Variants in PSPC1 observed in about 807,000 individuals in gnomAD.
PSPC1 encodes the protein paraspeckle protein 1.
In PSPC1, 14 loss-of-function variants were observed where a neutral mutation model predicts 51.6. The ratio of observed to expected loss-of-function variants is 0.27; its 90% confidence interval spans 0.18 to 0.42. PSPC1 has a LOEUF of 0.42. PSPC1 is among the 10% of genes least tolerant of loss of function. PSPC1 has a pLI of 1.00. For synonymous variants in PSPC1, 193 were observed against 231.9 expected, an observed-to-expected ratio of 0.83 and a Z score of 1.53; for missense variants, 406 against 701.1, an observed-to-expected ratio of 0.58 and a Z score of 4.75.
chr13:19,775,617 T>C (rs1889035973), intron 1 of PSPC1, among the ~76,000 whole-genome samples: 1 of 152,260 alleles, frequency 6.6e-6, no homozygotes, highest in Admixed American at 6.5e-5. Flanking sequence ...ACAGTCGTTT[T>C]GTTTATTGCT....
At chr13:19,750,606 G>A (rs1311263144) in intron 4 of PSPC1, among the ~76,000 whole-genome samples, 1 of 151,770 alleles carries the variant, frequency 6.6e-6, no homozygotes, top group Non-Finnish European at 1.5e-5. Flanking sequence ...GCCAGCATTT[G>A]TCCAAATTCT....
intron 6 of PSPC1, among the ~76,000 whole-genome samples, chr13:19,682,242 T>C (rs900486363): frequency 6.6e-6 from 1 of 152,196 alleles, no homozygotes; most frequent in Non-Finnish European, 1.5e-5. Context: ...AGCTGATATT[T>C]TGTAAGAAGC....
intron 7 of PSPC1, among the ~76,000 whole-genome samples, chr13:19,707,361 T>C (rs549301182): frequency 6.6e-6 from 1 of 152,194 alleles, no homozygotes; most frequent in African/African-American, 2.4e-5. Flanking sequence ...ATATAAAAAA[T>C]GTTAGCATTA....
At chr13:19,778,376 TC>T (rs1889432833) in intron 1 of PSPC1, among the ~76,000 whole-genome samples, 1 of 27,974 alleles carries the variant, frequency 3.6e-5, no homozygotes, top group Admixed American at 3.5e-4. Context: ...CCCCTCCCCC[TC>T]CCCCTCCCCC....
intron 2 of PSPC1, among the ~76,000 whole-genome samples, chr13:19,765,690 C>A (rs1888008135): frequency 6.7e-6 from 1 of 148,664 alleles, no homozygotes; most frequent in African/African-American, 2.5e-5. Flanking sequence ...AAGGAAGTAT[C>A]AGTCTTTACA....
chr13:19,755,772 G>A (rs1258381067), intron 3 of PSPC1, among the ~76,000 whole-genome samples: 2 of 152,024 alleles, frequency 1.3e-5, no homozygotes, highest in African/African-American at 4.8e-5. Context: ...TCTACACACT[G>A]AAGAACTCCA....
At chr13:19,779,341 C>T (rs1368052475) in intron 1 of PSPC1, among the ~76,000 whole-genome samples, 2 of 112,122 alleles carry the variant, frequency 1.8e-5, no homozygotes, top group African/African-American at 3.3e-5. Context: ...GGGGGTCAGC[C>T]CCCCCGCCCG....
chr13:19,778,426 T>G (rs1197166839), intron 1 of PSPC1, among the ~76,000 whole-genome samples: 1 of 104,464 alleles, frequency 9.6e-6, no homozygotes, highest in Non-Finnish European at 1.8e-5. Context: ...CTCCCTCTCA[T>G]GCGGAGCCGA....
chr13:19,713,974 A>G (rs1881775330), intron 6 of PSPC1, among the ~76,000 whole-genome samples: 1 of 152,238 alleles, frequency 6.6e-6, no homozygotes, highest in Admixed American at 6.5e-5. Flanking sequence ...CCAGCACTAT[A>G]GCACAAGCCA....
At chr13:19,711,192 AC>A (rs1881361661) in intron 6 of PSPC1, among the ~76,000 whole-genome samples, 1 of 152,158 alleles carries the variant, frequency 6.6e-6, no homozygotes, top group South Asian at 2.1e-4. Context: ...AAAATTTGTG[AC>A]CATTAATGGA....
chr13:19,682,661 T>C (rs950206942), intron 6 of PSPC1, among the ~76,000 whole-genome samples: 4 of 152,146 alleles, frequency 2.6e-5, no homozygotes, highest in Non-Finnish European at 4.4e-5. Context: ...GTATGGAGTG[T>C]TGTCAAGGAT....
intron 6 of PSPC1, among the ~76,000 whole-genome samples, chr13:19,683,841 A>G (rs1877557137): frequency 6.6e-6 from 1 of 152,188 alleles, no homozygotes; most frequent in Non-Finnish European, 1.5e-5. Context: ...TATATATGCC[A>G]TCTTTTCCTC....
rs944204772 is a variant in PSPC1 at position 19,764,464 on chromosome 13, T to C, written c.675-5046A>G. ...CGTATTTGTGACTGATCTTTCCTCA[T>C]TGTGGCTGATCTTTTCTTAGAACTG... On this transcript the variant is annotated intron_variant, in intron 2 of 8. Coordinates refer to ENST00000338910, the MANE Select transcript of PSPC1 (RefSeq NM_001354909.2). Among the ~76,000 whole-genome samples, 11 of 152,160 alleles carry C rather than the reference T, an allele frequency of 7.2e-5. No individual in the cohort carries two copies. In the East Asian group the frequency reaches 1.9e-3, roughly 27 times the overall value.
intron 6 of PSPC1, among the ~76,000 whole-genome samples, chr13:19,688,457 A>G (rs192358236): frequency 2.6e-5 from 4 of 152,314 alleles, no homozygotes; most frequent in East Asian, 1.9e-4. Context: ...CAATTCATGC[A>G]TATGTAAGTA....
At chr13:19,778,130 T>C (rs891168471) in intron 1 of PSPC1, among the ~76,000 whole-genome samples, 1 of 151,542 alleles carries the variant, frequency 6.6e-6, no homozygotes, top group African/African-American at 2.4e-5. Context: ...TAGTCCCAGC[T>C]ACTCCAGAGG....
intron 6 of PSPC1, among the ~76,000 whole-genome samples, chr13:19,689,397 A>G (rs1484517278): frequency 6.6e-6 from 1 of 152,250 alleles, no homozygotes; most frequent in Non-Finnish European, 1.5e-5. Flanking sequence ...GATTAGCTAT[A>G]TAGAAAAAAA....
chr13:19,776,326 T>C (rs1889117840), intron 1 of PSPC1, among the ~76,000 whole-genome samples: 1 of 151,812 alleles, frequency 6.6e-6, no homozygotes, highest in Non-Finnish European at 1.5e-5. Flanking sequence ...ATTAGCTGGG[T>C]GTGGTGGTGT....
At chr13:19,686,294 G>C (rs1466033499) in intron 6 of PSPC1, among the ~76,000 whole-genome samples, 1 of 152,162 alleles carries the variant, frequency 6.6e-6, no homozygotes, top group Non-Finnish European at 1.5e-5. Context: ...TTACCTGGGG[G>C]AGGGAGAGGA....
intron 5 of PSPC1, among the ~76,000 whole-genome samples, chr13:19,733,455 C>T (rs1431015541): frequency 1.3e-5 from 2 of 151,894 alleles, no homozygotes; most frequent in Non-Finnish European, 1.5e-5. Context: ...CCTCTCTCCA[C>T]GAAAAATAGA....
Sources: gnomAD v4.1 joint callset for allele counts (sites outside exome capture counted in the v4.1 genomes callset) on GRCh38, gnomAD v4.1.1 for gene constraint, MANE v1.5 for transcripts, NCBI Gene and HGNC (gene_info 2026-07-23, HGNC 2026-07-21) for gene names.